Variants in SSUH2 observed in about 807,000 individuals in gnomAD.
SSUH2 encodes the protein protein SSUH2 homolog.
In SSUH2, 47 loss-of-function variants were observed where a neutral mutation model predicts 55.3. The observed-to-expected ratio is 0.85, with a 90% CI of 0.67 to 1.08. The LOEUF (loss-of-function observed/expected upper bound fraction) is 1.08. Ranked by LOEUF, SSUH2 falls within the 50% of genes least tolerant of loss-of-function variation. The pLI, the probability that SSUH2 is intolerant of heterozygous loss-of-function variation, is 0.00. For missense variants in SSUH2, 535 were observed against 490.7 expected (o/e 1.09, Z -0.85); for synonymous variants, 212 against 191.5 (o/e 1.11, Z -0.89).
At chr3:8,677,636 G>A (rs2737189) in intron 2 of SSUH2, among the ~76,000 whole-genome samples, 124,532 of 150,500 alleles carry the variant, frequency 0.83, 52,291 homozygotes, top group East Asian at 0.94. Context: ...CCCAAACTGT[G>A]GGGCCCTGGC....
chr3:8,681,461 T>G (rs776459570), intron 1 of SSUH2, among the ~76,000 whole-genome samples: 12 of 124,636 alleles, frequency 9.6e-5, no homozygotes, highest in Non-Finnish European at 2.0e-4. Context: ...CACTGGCTCT[T>G]AGGACCCCCG....
At chr3:8,643,223 A>G (rs1395164671) in intron 1 of SSUH2, among the ~76,000 whole-genome samples, 1 of 152,198 alleles carries the variant, frequency 6.6e-6, no homozygotes, top group Non-Finnish European at 1.5e-5. Flanking sequence ...TCAATCCTGC[A>G]AGATGACACC....
intron 1 of SSUH2, among the ~76,000 whole-genome samples, chr3:8,641,103 C>T (rs957665342): frequency 6.6e-6 from 1 of 152,162 alleles, no homozygotes; most frequent in African/African-American, 2.4e-5. Context: ...CTGGGCACCC[C>T]CTCCAGACTT....
Position 8,678,934 on chromosome 3 carries a change from A to T in SSUH2, c.-901+771T>A, listed in dbSNP as rs4266180. The stretch of plus-strand genomic sequence containing the variant: ...GCCAGGCGGGGACTGAGAGCCAGCC[A>T]CTCTTCCCCTCCTGGCTCTTGGGAC... On this transcript the variant is annotated intron_variant, in intron 2 of 18. Coordinates refer to the SSUH2 transcript ENST00000317371. 1.2e-4 allele frequency among the ~76,000 whole-genome samples: 10 copies of T among 84,404 alleles called. 3 individuals are homozygous for T. Among genetic ancestry groups the T allele is most frequent in the Non-Finnish European group, 2.3e-4 (9 of 38,970 alleles). The allele number at this position is 84,404 out of a possible 152,430, so 55.4% of individuals were successfully genotyped here. A position where few individuals can be genotyped will look rare whatever the true frequency, so the allele number is the denominator to read the frequency against.
At chr3:8,628,499 C>T (rs1489213221) in intron 7 of SSUH2, among the ~76,000 whole-genome samples, 2 of 152,226 alleles carry the variant, frequency 1.3e-5, no homozygotes, top group Non-Finnish European at 2.9e-5. Context: ...TTCAAGTTTA[C>T]TGGAATCCCA....
intron 3 of SSUH2, among the ~76,000 whole-genome samples, chr3:8,673,608 C>T (rs1299149330): frequency 6.6e-6 from 1 of 152,190 alleles, no homozygotes; most frequent in African/African-American, 2.4e-5. Flanking sequence ...TGATTGCCAT[C>T]GGTTGCTCAT....
intron 1 of SSUH2, among the ~76,000 whole-genome samples, chr3:8,638,572 G>A (rs115631246): frequency 0.025 from 3,838 of 152,246 alleles, 69 homozygotes; most frequent in Non-Finnish European, 0.036. Flanking sequence ...CTCTCTGCAT[G>A]ATGTGACACC....
At chr3:8,671,728 A>G (rs1370047513) in intron 4 of SSUH2, among the ~76,000 whole-genome samples, 2 of 152,166 alleles carry the variant, frequency 1.3e-5, no homozygotes, top group African/African-American at 2.4e-5. Context: ...AATATGGAAA[A>G]TAATGTCCCA....
chr3:8,658,859 C>T (rs115424830), intron 7 of SSUH2: 9 of 65,680 alleles, frequency 1.4e-4, no homozygotes, highest in African/African-American at 4.0e-4. Context: ...CCAAACAAAA[C>T]AAAACAAAAC....
chr3:8,679,448 G>C lies in SSUH2; in HGVS notation c.-901+257C>G, dbSNP rs1263732004. On this transcript the variant is annotated intron_variant, in intron 2 of 18. Coordinates refer to the SSUH2 transcript ENST00000317371. ...GCTCTTAGGACCCCCATCACAGCGG[G>C]GGGAGGCACCCCCCGGGAGGCGGGG... Among the ~76,000 whole-genome samples the C allele has an allele frequency of 4.1e-4, 57 of 139,518 alleles. 1 individual carries two copies. The highest frequency in any genetic ancestry group is 6.3e-4 in the Admixed American group (9 of 14,386). The allele number at this position is 139,518 out of a possible 152,430, so 91.5% of individuals were successfully genotyped here.
intron 6 of SSUH2, among the ~76,000 whole-genome samples, chr3:8,661,189 C>T (rs1309727375): frequency 6.6e-6 from 1 of 152,222 alleles, no homozygotes; most frequent in Non-Finnish European, 1.5e-5. Flanking sequence ...TCCCCTGAAT[C>T]CACTCTTGGC....
intron 7 of SSUH2, 107 bp from the exon 8 acceptor site, chr3:8,627,890 G>C: frequency 1.1e-6 from 1 of 871,614 alleles, no homozygotes; most frequent in African/African-American, 1.7e-5. Flanking sequence ...CCTCCCCCTG[G>C]GCCTTAGCCC....
intron 5 of SSUH2, among the ~76,000 whole-genome samples, chr3:8,665,802 T>A (rs745649118): frequency 1.4e-4 from 22 of 152,248 alleles, no homozygotes; most frequent in Non-Finnish European, 2.4e-4. Context: ...TTTATTTTAG[T>A]CACAAGGTCT....
chr3:8,634,826 C>A (rs1699641866), intron 3 of SSUH2, among the ~76,000 whole-genome samples: 6 of 152,176 alleles, frequency 3.9e-5, no homozygotes, highest in Admixed American at 3.9e-4. Flanking sequence ...GGCCCTGAGT[C>A]CTCTCAAAAC....
chr3:8,635,702 C>T (rs992261559), intron 2 of SSUH2, 57 bp downstream of exon 2: 3 of 1,438,556 alleles, frequency 2.1e-6, no homozygotes, highest in Non-Finnish European at 2.8e-6. Flanking sequence ...AGACATCCCA[C>T]CAACCAGCGT....
In SSUH2 at chr3:8,663,852, C is replaced by T. The variant is rs182024461; in HGVS notation, c.-454-50G>A. On this transcript the variant is annotated intron_variant, in intron 5 of 18. Coordinates refer to the SSUH2 transcript ENST00000317371. ...TACGGAAAAATTCTTAGTAATGATG[C>T]GTGTCCCAAGACAATGTTGTTTTCT... 3.1e-3 allele frequency: 1,422 copies of T among 456,654 alleles called. 8 individuals carry two copies. The highest frequency in any genetic ancestry group is 0.021 in the Middle Eastern group (66 of 3,074). The allele number at this position is 456,654 out of a possible 1,614,324, so 28.3% of individuals were successfully genotyped here.
chr3:8,660,843 G>T (rs1238841330), intron 6 of SSUH2, among the ~76,000 whole-genome samples: 1 of 152,196 alleles, frequency 6.6e-6, no homozygotes, highest in Non-Finnish European at 1.5e-5. Flanking sequence ...CTGAGCCGGT[G>T]AGTACCTAAA....
intron 4 of SSUH2, among the ~76,000 whole-genome samples, chr3:8,632,989 C>T (rs1227222490): frequency 6.6e-6 from 1 of 152,150 alleles, no homozygotes; most frequent in East Asian, 1.9e-4. Context: ...GGGAAAATCA[C>T]TTTGCCTCTT....
At chr3:8,635,663 G>C in intron 2 of SSUH2, 96 bp downstream of exon 2, 1 of 1,199,102 alleles carries the variant, frequency 8.3e-7, no homozygotes. Flanking sequence ...CAGGGAAAGG[G>C]GAGCTATCTC....
Sources: gnomAD v4.1 joint callset for allele counts (sites outside exome capture counted in the v4.1 genomes callset) on GRCh38, gnomAD v4.1.1 for gene constraint, MANE v1.5 for transcripts, NCBI Gene and HGNC (gene_info 2026-07-23, HGNC 2026-07-21) for gene names.